CNTN4: variants seen among roughly 807,000 people sequenced by gnomAD.
The protein encoded by CNTN4 is contactin-4.
In CNTN4, 77 loss-of-function variants were observed where a neutral mutation model predicts 122.5. That is an observed-to-expected ratio of 0.63 (90% CI 0.52 to 0.76). The LOEUF (loss-of-function observed/expected upper bound fraction) is 0.76, where lower values mean the gene tolerates loss of function less well. Among genes scored for constraint, CNTN4 ranks in the 30% least tolerant of loss-of-function variants. The probability of loss-of-function intolerance (pLI) is 0.00; values close to 1 mark genes in which losing one functional copy is unlikely to be tolerated. For synonymous variants in CNTN4, 512 were observed against 447.0 expected (o/e 1.15, Z -1.83); for missense variants, 1,256 against 1,259.1 (o/e 1.00, Z 0.04).
chr3:2,890,013 T>TG (rs1218969829), intron 10 of CNTN4, among the ~76,000 whole-genome samples: 6 of 152,196 alleles, frequency 3.9e-5, no homozygotes, highest in Non-Finnish European at 8.8e-5. Context: ...CAGCCATGCA[T>TG]GGGAAAAAGA....
At chr3:2,847,889 A>G (rs561801009) in intron 7 of CNTN4, among the ~76,000 whole-genome samples, 8 of 152,242 alleles carry the variant, frequency 5.3e-5, no homozygotes, top group South Asian at 4.2e-4. Flanking sequence ...TTGACACCCA[A>G]AACAACTCAG....
intron 6 of CNTN4, among the ~76,000 whole-genome samples, chr3:2,760,580 C>T (rs934441956): frequency 1.4e-4 from 21 of 152,292 alleles, no homozygotes; most frequent in African/African-American, 5.1e-4. Context: ...ACTGTGTTGA[C>T]TGCTGTAGCT....
intron 13 of CNTN4, among the ~76,000 whole-genome samples, chr3:2,951,409 CA>C (rs1181223360): frequency 6.6e-6 from 1 of 152,196 alleles, no homozygotes; most frequent in Non-Finnish European, 1.5e-5. Flanking sequence ...TGCTGCTGCT[CA>C]TCTGACAGAA....
chr3:2,576,542 TG>T (rs1477752924), intron 4 of CNTN4, among the ~76,000 whole-genome samples: 4 of 131,304 alleles, frequency 3.0e-5, no homozygotes, highest in East Asian at 2.6e-4. Flanking sequence ...TTTTTGTTAC[TG>T]TTTTTTTCTT....
intron 7 of CNTN4, among the ~76,000 whole-genome samples, chr3:2,830,545 G>T (rs1286546173): frequency 6.6e-6 from 1 of 152,180 alleles, no homozygotes; most frequent in Non-Finnish European, 1.5e-5. Context: ...AACATAGGTT[G>T]GGACATGAAG....
At chr3:2,646,084 A>G (rs2083104764) in intron 4 of CNTN4, among the ~76,000 whole-genome samples, 3 of 152,166 alleles carry the variant, frequency 2.0e-5, no homozygotes, top group South Asian at 2.1e-4. Flanking sequence ...GATTTTGTCT[A>G]TCTAAGAGTC....
intron 20 of CNTN4, 76 bp downstream of exon 20, chr3:3,040,347 T>C: frequency 2.7e-6 from 3 of 1,102,556 alleles, no homozygotes; most frequent in Non-Finnish European, 4.1e-6. Flanking sequence ...GCACGTACAA[T>C]CAATTTCGCA....
At chr3:2,971,317 TA>T in intron 13 of CNTN4, among the ~76,000 whole-genome samples, 1 of 141,202 alleles carries the variant, frequency 7.1e-6, no homozygotes, top group South Asian at 2.2e-4. Flanking sequence ...ACTGTATATC[TA>T]TCTATCTATA....
chr3:2,819,632 T>C (rs1194004384), intron 7 of CNTN4, 51 bp downstream of exon 7: 1 of 1,275,534 alleles, frequency 7.8e-7, no homozygotes, highest in South Asian at 1.2e-5. Context: ...GTTATTTTTC[T>C]TCCTCAATGT....
intron 3 of CNTN4, among the ~76,000 whole-genome samples, chr3:2,472,496 C>T (rs964328619): frequency 2.0e-5 from 3 of 152,134 alleles, no homozygotes; most frequent in South Asian, 2.1e-4. Context: ...GCCTCGGCGT[C>T]CCAAAGTGCT....
At chr3:2,699,620 T>C (rs146795849) in intron 4 of CNTN4, among the ~76,000 whole-genome samples, 1 of 152,298 alleles carries the variant, frequency 6.6e-6, no homozygotes, top group South Asian at 2.1e-4. Flanking sequence ...GAGCGCTTAG[T>C]GTCCGAATGG....
At chr3:2,724,683 C>T (rs944442704) in intron 4 of CNTN4, among the ~76,000 whole-genome samples, 14 of 152,176 alleles carry the variant, frequency 9.2e-5, no homozygotes, top group African/African-American at 2.9e-4. Context: ...GTGCATATAA[C>T]ATGAAAGTAC....
At chr3:2,826,531 T>C (rs1190362588) in intron 7 of CNTN4, among the ~76,000 whole-genome samples, 1 of 152,208 alleles carries the variant, frequency 6.6e-6, no homozygotes, top group Non-Finnish European at 1.5e-5. Context: ...AAGTAGGACA[T>C]CTGTGTTCTA....
intron 2 of CNTN4, among the ~76,000 whole-genome samples, chr3:2,194,526 T>A (rs999098243): frequency 1.3e-5 from 2 of 152,150 alleles, no homozygotes; most frequent in African/African-American, 4.8e-5. Context: ...TTGTTATTGG[T>A]TGAATTGTGT....
rs183784517 is a variant in CNTN4, at chr3:2,157,814, T to A, written c.-145+57175T>A. On this transcript the variant is annotated intron_variant, in intron 2 of 24. Transcript: ENST00000418658. ...TGTTGCTCCTGACTTCAAAATTTTC[T>A]GTTTGGATTTTCTTAGAAATTAATA... Among the ~76,000 whole-genome samples the A allele has an allele frequency of 1.5e-3, 226 of 152,368 alleles. 3 individuals carry two copies. Among genetic ancestry groups the A allele is most frequent in the Admixed American group, 2.1e-3 (32 of 15,306 alleles).
intron 6 of CNTN4, among the ~76,000 whole-genome samples, chr3:2,812,526 G>C (rs1180687521): frequency 6.6e-6 from 1 of 152,100 alleles, no homozygotes; most frequent in Non-Finnish European, 1.5e-5. Flanking sequence ...TAGCAGAAGA[G>C]GATATATTTT....
intron 14 of CNTN4, among the ~76,000 whole-genome samples, chr3:3,008,460 A>G (rs1356913282): frequency 2.6e-5 from 4 of 152,244 alleles, no homozygotes; most frequent in African/African-American, 9.6e-5. Flanking sequence ...GTAAAGGTTG[A>G]CAACATCCTC....
At chr3:2,112,343 A>G (rs2033025687) in intron 2 of CNTN4, among the ~76,000 whole-genome samples, 1 of 152,182 alleles carries the variant, frequency 6.6e-6, no homozygotes, top group African/African-American at 2.4e-5. Flanking sequence ...TATTTGTAAT[A>G]CTGACAGTAC....
chr3:2,642,081 C>T (rs2082918023), intron 4 of CNTN4, among the ~76,000 whole-genome samples: 1 of 152,162 alleles, frequency 6.6e-6, no homozygotes, highest in Non-Finnish European at 1.5e-5. Flanking sequence ...AGATAAGGTC[C>T]CGCAATAGGC....
Sources: gnomAD v4.1 joint callset for allele counts (sites outside exome capture counted in the v4.1 genomes callset) on GRCh38, gnomAD v4.1.1 for gene constraint, MANE v1.5 for transcripts, NCBI Gene and HGNC (gene_info 2026-07-23, HGNC 2026-07-21) for gene names.